The following DNAJC6 variants were observed in gnomAD, a reference collection of about 807,000 sequenced individuals.
The protein encoded by DNAJC6 is DnaJ heat shock protein family (Hsp40) member C6.
Under a neutral mutation model 110.0 loss-of-function variants are expected in DNAJC6, and 34 were observed. That is an observed-to-expected ratio of 0.31 (90% CI 0.24 to 0.41). The LOEUF (loss-of-function observed/expected upper bound fraction) is 0.41. DNAJC6 is among the 10% of genes least tolerant of loss of function. The pLI, the probability that DNAJC6 is intolerant of heterozygous loss-of-function variation, is 1.00. For missense variants in DNAJC6, 1,031 were observed against 1,207.8 expected (o/e 0.85, Z 2.17); for synonymous variants, 406 against 437.2 (o/e 0.93, Z 0.89).
chr1:65,272,241 A>G (rs1212676340), intron 1 of DNAJC6, among the ~76,000 whole-genome samples: 2 of 152,238 alleles, frequency 1.3e-5, no homozygotes, highest in African/African-American at 2.4e-5. Flanking sequence ...TTCTATTCCT[A>G]CTGTGCTAAG....
chr1:65,320,615 C>T (rs1645189309), intron 1 of DNAJC6, among the ~76,000 whole-genome samples: 1 of 152,186 alleles, frequency 6.6e-6, no homozygotes, highest in South Asian at 2.1e-4. Context: ...GCATAAATGT[C>T]TCCTGGCTGC....
chr1:65,346,091 C>G (rs1645434673), intron 1 of DNAJC6, among the ~76,000 whole-genome samples: 1 of 152,156 alleles, frequency 6.6e-6, no homozygotes, highest in African/African-American at 2.4e-5. Flanking sequence ...ACTGTATCTG[C>G]CTCCCTGTGT....
rs906228001 is a variant in DNAJC6, at chr1:65,369,273, C to T, written c.543+3077C>T. On this transcript the variant is annotated intron_variant, in intron 4 of 18. Transcript: ENST00000371069. Reference sequence around the variant, plus strand: ...CATCTTAGGGAGGCAGTCCCAAAGCCGTAGTATTTCCATCTTACCTTTGTT... The same window carrying T: ...CATCTTAGGGAGGCAGTCCCAAAGCTGTAGTATTTCCATCTTACCTTTGTT... Among the ~76,000 whole-genome samples, 7 of 152,176 alleles carry T rather than the reference C, an allele frequency of 4.6e-5. No homozygotes were observed. In the East Asian group the frequency reaches 9.6e-4, roughly 21 times the overall value.
intron 1 of DNAJC6, among the ~76,000 whole-genome samples, chr1:65,356,378 C>A (rs576007142): frequency 6.7e-4 from 102 of 151,912 alleles, no homozygotes; most frequent in African/African-American, 2.3e-3. Context: ...TCGAGACCAG[C>A]CTGGGAAACA....
At chr1:65,366,000 A>C (rs1268665645) in intron 3 of DNAJC6, 48 bp from the exon 4 acceptor site, 1 of 1,613,004 alleles carries the variant, frequency 6.2e-7, no homozygotes, top group Non-Finnish European at 8.5e-7. Context: ...TCGTTATAGC[A>C]GACGTAAACA....
intron 5 of DNAJC6, among the ~76,000 whole-genome samples, chr1:65,382,495 T>G (rs1645831283): frequency 6.6e-6 from 1 of 152,214 alleles, no homozygotes; most frequent in African/African-American, 2.4e-5. Flanking sequence ...AATTTGGATT[T>G]TAAAAGTTCT....
In DNAJC6 at chr1:65,346,908, C is replaced by T. The variant is rs1013886298; in HGVS notation, c.194-17727C>T. 7.2e-5 allele frequency among the ~76,000 whole-genome samples: 11 copies of T among 152,182 alleles called. 1 individual carries two copies. The South Asian group carries it at 1.2e-3, about 17-fold the overall frequency. ...TTCCAACAACCTTCAACACCACCCC[C>T]GCTCCACCACCCCTGCCTGCCACAC... On this transcript the variant is annotated intron_variant, in intron 1 of 18. Coordinates refer to ENST00000371069, the MANE Select transcript of DNAJC6 (RefSeq NM_001256864.2).
intron 18 of DNAJC6, among the ~76,000 whole-genome samples, chr1:65,412,587 T>TG (rs1432890495): frequency 1.3e-5 from 2 of 152,062 alleles, no homozygotes; most frequent in African/African-American, 4.8e-5. Flanking sequence ...AATGGGAAAA[T>TG]GGGAGTTAAA....
At chr1:65,293,284 G>A (rs887373288) in intron 1 of DNAJC6, among the ~76,000 whole-genome samples, 12 of 152,202 alleles carry the variant, frequency 7.9e-5, no homozygotes, top group African/African-American at 2.9e-4. Context: ...CCTCACATGG[G>A]GGTAGATGGG....
chr1:65,279,290 G>A (rs781078639), intron 1 of DNAJC6, among the ~76,000 whole-genome samples: 2 of 152,202 alleles, frequency 1.3e-5, no homozygotes, highest in Non-Finnish European at 2.9e-5. Flanking sequence ...CTGGGAACCA[G>A]TGTTAAAAGG....
At chr1:65,265,481 C>G (rs1653283210) in intron 1 of DNAJC6, among the ~76,000 whole-genome samples, 1 of 152,136 alleles carries the variant, frequency 6.6e-6, no homozygotes, top group Non-Finnish European at 1.5e-5. Context: ...GTAAACTACC[C>G]CCACTCCATC....
intron 1 of DNAJC6, among the ~76,000 whole-genome samples, chr1:65,295,185 A>G (rs781171227): frequency 3.8e-4 from 58 of 152,120 alleles, no homozygotes; most frequent in Non-Finnish European, 6.3e-4. Context: ...AAAAAGGGGG[A>G]TCTTGTAATT....
At chr1:65,298,753 A>G (rs1220847601) in intron 1 of DNAJC6, 1 of 152,244 alleles carries the variant, frequency 6.6e-6, no homozygotes, top group African/African-American at 2.4e-5. Context: ...TTCCAAAATC[A>G]CTTTGTACTC....
At chr1:65,293,285 G>A (rs1266277532) in intron 1 of DNAJC6, among the ~76,000 whole-genome samples, 5 of 152,180 alleles carry the variant, frequency 3.3e-5, no homozygotes, top group African/African-American at 1.2e-4. Flanking sequence ...CTCACATGGG[G>A]GTAGATGGGG....
At chr1:65,290,492 T>C (rs1442232655) in intron 1 of DNAJC6, among the ~76,000 whole-genome samples, 1 of 152,232 alleles carries the variant, frequency 6.6e-6, no homozygotes, top group African/African-American at 2.4e-5. Context: ...TATATTGATT[T>C]TTAAAAAATT....
intron 1 of DNAJC6, among the ~76,000 whole-genome samples, chr1:65,339,438 A>G (rs1645368014): frequency 6.6e-6 from 1 of 152,202 alleles, no homozygotes; most frequent in African/African-American, 2.4e-5. Flanking sequence ...CTATTTCTAC[A>G]TCTACGAATG....
chr1:65,309,927 T>A lies in DNAJC6; in HGVS notation c.182T>A (p.Met61Lys). The A allele has an allele frequency of 6.7e-7, 1 of 1,503,634 alleles. No homozygotes were observed. Among genetic ancestry groups the A allele is most frequent in the Non-Finnish European group, 8.9e-7 (1 of 1,125,226 alleles). The allele number at this position is 1,503,634 out of a possible 1,614,324, so 93.1% of individuals were successfully genotyped here. A position where few individuals can be genotyped will look rare whatever the true frequency, so the allele number is the denominator to read the frequency against. ...CAGCCTCCGGACCGCGCCAGCACCATGGACAGCTCAGGTAGCGCTGCCCGA... is the reference window on the plus strand; with the variant it reads ...CAGCCTCCGGACCGCGCCAGCACCAAGGACAGCTCAGGTAGCGCTGCCCGA... ...ARQPPDRAST[M>K]DSSGASSPDM... The change falls in exon 1 of 19, where the codon ATG becomes AAG. Residue 61 changes from methionine to lysine, a missense_variant. Met to Lys is a moderately conservative substitution (Grantham distance 95, BLOSUM62 -1). Coordinates refer to ENST00000371069, the MANE Select transcript of DNAJC6 (RefSeq NM_001256864.2).
intron 1 of DNAJC6, among the ~76,000 whole-genome samples, chr1:65,283,974 T>C (rs1053803996): frequency 6.6e-6 from 1 of 152,212 alleles, no homozygotes; most frequent in Non-Finnish European, 1.5e-5. Flanking sequence ...TCTATACTTC[T>C]GACCTCCTCC....
Position 65,389,239 on chromosome 1 carries a change from T to C in DNAJC6, c.1194-17T>C. 6.2e-7 allele frequency: 1 copy of C among 1,607,392 alleles called. No homozygotes were observed. The highest frequency in any genetic ancestry group is 8.5e-7 in the Non-Finnish European group (1 of 1,176,154). On this transcript the variant is annotated splice_polypyrimidine_tract_variant and intron_variant, in intron 9 of 18. Transcript: ENST00000371069. ...ATTGTTTTTCACTGAATTTATCTTT[T>C]TTAAATCCCTATTTAGGCCTGAGTT... is the stretch of plus-strand genomic sequence containing the variant.
Sources: allele counts gnomAD v4.1 joint callset (sites outside exome capture counted in the v4.1 genomes callset), GRCh38; gene constraint gnomAD v4.1.1; transcripts MANE v1.5; gene names NCBI Gene and HGNC (gene_info 2026-07-23, HGNC 2026-07-21).